TJP1: variants seen among roughly 807,000 people sequenced by gnomAD.
TJP1 encodes the protein tight junction protein ZO-1.
TJP1 carries 43 observed loss-of-function variants against 194.2 expected under a neutral mutation model. The ratio of observed to expected loss-of-function variants is 0.22; its 90% CI spans 0.17 to 0.29. The LOEUF (loss-of-function observed/expected upper bound fraction) is 0.29. TJP1 is among the 10% of genes least tolerant of loss of function. TJP1 has a pLI of 1.00. For missense variants in TJP1, 1,971 were observed against 2,185.7 expected (o/e 0.90, Z 1.96); for synonymous variants, 801 against 779.0 (o/e 1.03, Z -0.47).
intron 1 of TJP1, among the ~76,000 whole-genome samples, chr15:29,820,965 G>A (rs1294378171): frequency 6.6e-6 from 1 of 152,260 alleles, no homozygotes; most frequent in African/African-American, 2.4e-5. Context: ...CAGATGTTAC[G>A]GGTAAGCATT....
At chr15:29,956,072 G>A (rs995158805) in intron 2 of TJP1, among the ~76,000 whole-genome samples, 3 of 152,094 alleles carry the variant, frequency 2.0e-5, no homozygotes, top group African/African-American at 4.8e-5. Context: ...ATCCATGCTA[G>A]TTAAGAAAAC....
intron 1 of TJP1, among the ~76,000 whole-genome samples, chr15:29,802,969 G>C (rs1371232995): frequency 6.6e-6 from 1 of 152,130 alleles, no homozygotes; most frequent in Non-Finnish European, 1.5e-5. Flanking sequence ...TTTGTAAGAA[G>C]ATGTTAATCA....
At chr15:29,944,106 T>G (rs1271323134) in intron 2 of TJP1, among the ~76,000 whole-genome samples, 2 of 151,920 alleles carry the variant, frequency 1.3e-5, no homozygotes, top group East Asian at 3.9e-4. Context: ...ATTTTATTTA[T>G]TTTTGAGACA....
intron 24 of TJP1, 30 bp downstream of exon 24, chr15:29,710,801 T>C: frequency 6.2e-7 from 1 of 1,613,188 alleles, no homozygotes; most frequent in Non-Finnish European, 8.5e-7. Flanking sequence ...AGCATTACTG[T>C]GTTAAAATGT....
In TJP1 at chr15:29,764,511, C is replaced by T. The variant is rs1291743693; in HGVS notation, c.589+1755G>A. 2.0e-5 allele frequency among the ~76,000 whole-genome samples: 3 copies of T among 152,072 alleles called. No individual in the cohort carries two copies. The East Asian group carries it at 5.8e-4, about 29-fold the overall frequency. On this transcript the variant is annotated intron_variant, in intron 5 of 27. Transcript: ENST00000614355. ...AATCAACTTAAAGGGATCCAAGAGA[C>T]AACCTATGAGACCAAATGAGTCTAT...
At chr15:29,807,070 C>T (rs2049158382) in intron 1 of TJP1, among the ~76,000 whole-genome samples, 1 of 152,094 alleles carries the variant, frequency 6.6e-6, no homozygotes, top group African/African-American at 2.4e-5. Context: ...ATTTAGCATC[C>T]AACACCCCAC....
rs2050458729 is a variant in TJP1, at chr15:29,822,388, C to T, written c.-360G>A. On this transcript the variant is annotated 5_prime_UTR_variant, in exon 1 of 28. Coordinates refer to ENST00000614355, the MANE Select transcript of TJP1 (RefSeq NM_001330239.4). ...GCGTCTCCTCGGAAGCCGGCTTCGCCACGTAACTTCCCGGGAACCGGCGGC... is the reference window on the plus strand; with the variant it reads ...GCGTCTCCTCGGAAGCCGGCTTCGCTACGTAACTTCCCGGGAACCGGCGGC... The T allele has an allele frequency of 5.2e-5, 53 of 1,011,730 alleles. No homozygotes were observed. Among genetic ancestry groups the T allele is most frequent in the Non-Finnish European group, 6.3e-5 (53 of 847,022 alleles). 62.7% of individuals were successfully genotyped at this position (1,011,730 alleles called of 1,614,324 possible).
rs397975539 is a variant in TJP1 at position 29,864,237 on chromosome 15, C to CAAAAAAAAAAAAAAAA, written c.307-63551_307-63536dup. On this transcript the variant is annotated intron_variant, in intron 2 of 28. Coordinates refer to the TJP1 transcript ENST00000356107. ...TGAAACCCCGTCTCTACTAAAAATA[C>CAAAAAAAAAAAAAAAA]AAAAAAAAAAAAAAAAAAAAAAAAA... 7.4e-4 allele frequency among the ~76,000 whole-genome samples: 14 copies of CAAAAAAAAAAAAAAAA among 18,942 alleles called. 1 individual carries two copies. Among genetic ancestry groups the CAAAAAAAAAAAAAAAA allele is most frequent in the African/African-American group, 9.0e-4 (6 of 6,664 alleles). 12.4% of individuals were successfully genotyped at this position (18,942 alleles called of 152,430 possible).
chr15:29,810,331 T>G (rs2049405116), intron 1 of TJP1, among the ~76,000 whole-genome samples: 1 of 152,058 alleles, frequency 6.6e-6, no homozygotes, highest in Admixed American at 6.6e-5. Context: ...GGTTTGAAAA[T>G]TTTCCACTTA....
chr15:29,901,346 C>T (rs192741411), intron 2 of TJP1, among the ~76,000 whole-genome samples: 6 of 152,244 alleles, frequency 3.9e-5, no homozygotes, highest in Admixed American at 3.9e-4. Flanking sequence ...TAATTTGGTC[C>T]AGTCAACTCT....
At position 29,719,940 on chromosome 15, in the gene TJP1, T is replaced by C. The variant is rs764953355; in HGVS notation, c.2840A>G (p.His947Arg). The change falls in exon 20 of 28, where the codon CAT (histidine) becomes CGT (arginine). Residue 947 changes from histidine (H) to arginine (R), a missense_variant. His to Arg is a conservative substitution (Grantham distance 29). This residue lies in a region of TJP1 where 1,108 missense variants were observed against 1,128.5 expected (regional missense o/e 0.98). Coordinates refer to ENST00000614355, the MANE Select transcript of TJP1 (RefSeq NM_001330239.4). The stretch of plus-strand genomic sequence containing the variant: ...TCTGACATTAGTTAAATTTACATTA[T>C]GATTAACAGCAGAGGTTGATGATGC... ...NPASSTSAVN[H>R]NVNLTNVRLE... 2 of 1,614,172 alleles carry C rather than the reference T, an allele frequency of 1.2e-6. No individual in the cohort carries two copies. Among genetic ancestry groups the C allele is most frequent in the Non-Finnish European group, 1.7e-6 (2 of 1,180,028 alleles).
chr15:29,810,851 A>T (rs1375955840), intron 1 of TJP1, among the ~76,000 whole-genome samples: 2 of 152,158 alleles, frequency 1.3e-5, no homozygotes, highest in African/African-American at 2.4e-5. Context: ...TGCATCTCTC[A>T]TTCATTCAAA....
chr15:29,800,305 A>C (rs1443070040), intron 2 of TJP1, among the ~76,000 whole-genome samples: 1 of 152,172 alleles, frequency 6.6e-6, no homozygotes, highest in Non-Finnish European at 1.5e-5. Context: ...TTCAAACTTC[A>C]CTCCCACAAT....
chr15:29,881,543 C>T (rs150942685), intron 2 of TJP1, among the ~76,000 whole-genome samples: 325 of 152,256 alleles, frequency 2.1e-3, no homozygotes, highest in African/African-American at 7.7e-3. Flanking sequence ...TTGATAGATA[C>T]TTTATTCTTT....
At chr15:29,869,655 A>G (rs1368915446) in intron 2 of TJP1, among the ~76,000 whole-genome samples, 1 of 152,066 alleles carries the variant, frequency 6.6e-6, no homozygotes, top group Non-Finnish European at 1.5e-5. Context: ...AGTCCCTTGA[A>G]GCCAAATCAG....
upstream of TJP1, among the ~76,000 whole-genome samples, chr15:29,969,026 C>T (rs191917344): frequency 0.022 from 3,247 of 146,948 alleles, 103 homozygotes; most frequent in African/African-American, 0.076. Flanking sequence ...CCCCTTCCAC[C>T]CCTGCAGGCC....
intron 18 of TJP1, among the ~76,000 whole-genome samples, chr15:29,723,443 C>T (rs375450320): frequency 1.7e-4 from 26 of 152,318 alleles, no homozygotes; most frequent in African/African-American, 5.8e-4. Flanking sequence ...TTTTCCCCTT[C>T]ACTGTCTTAA....
Position 29,821,999 on chromosome 15 carries a change from C to A in TJP1, c.27+3G>T. ...TGGCCCTGGCGGCCGCGGAGGCGCT[C>A]ACCTTGGCGGCCGCAGCTCTGGCGG... On this transcript the variant is annotated splice_donor_region_variant and intron_variant, in intron 1 of 27. Transcript: ENST00000614355. 7.5e-7 allele frequency: 1 copy of A among 1,337,096 alleles called. No individual in the cohort carries two copies. 82.8% of individuals were successfully genotyped at this position (1,337,096 alleles called of 1,614,324 possible).
At position 29,704,292 on chromosome 15, in the gene TJP1, C is replaced by A; in HGVS notation, c.5082G>T (p.Leu1694=). 1 of 1,595,666 alleles carries A rather than the reference C, an allele frequency of 6.3e-7. No homozygotes were observed. The highest frequency in any genetic ancestry group is 8.5e-7 in the Non-Finnish European group (1 of 1,171,126). ...GGGGACCACACATCACCAAAGGACT[C>A]AGCAGTGTTTCACCTGGAGTTGGAA... ...PLDKEKGETL[L]SPLVMCGPHG... The change falls in exon 27 of 28, where the codon CTG becomes CTT. Residue 1694 remains leucine (L), a synonymous_variant. Transcript: ENST00000614355.
Sources: allele counts gnomAD v4.1 joint callset (sites outside exome capture counted in the v4.1 genomes callset), GRCh38; gene constraint gnomAD v4.1.1; regional missense constraint gnomAD v4.1.1; transcripts MANE v1.5; gene names NCBI Gene and HGNC (gene_info 2026-07-23, HGNC 2026-07-21).